Variants in NT5DC1 observed in about 807,000 individuals in gnomAD.
NT5DC1 encodes the protein 5'-nucleotidase domain-containing protein 1.
Under a neutral mutation model 59.4 loss-of-function variants are expected in NT5DC1, and 42 were observed. The ratio of observed to expected loss-of-function variants is 0.71; its 90% CI spans 0.55 to 0.92. NT5DC1 has a LOEUF of 0.92. Among genes scored for constraint, NT5DC1 ranks in the 40% least tolerant of loss-of-function variants. NT5DC1 has a pLI of 0.00. For missense variants in NT5DC1, 501 were observed against 537.1 expected (o/e 0.93, Z 0.66); for synonymous variants, 172 against 188.1 (o/e 0.91, Z 0.70).
At chr6:116,114,155 A>G (rs1226945206) in intron 4 of NT5DC1, among the ~76,000 whole-genome samples, 1 of 152,234 alleles carries the variant, frequency 6.6e-6, no homozygotes, top group Non-Finnish European at 1.5e-5. Context: ...CTGTGAAAAA[A>G]TGAAAAACAG....
chr6:116,220,779 T>C (rs1351441987), intron 6 of NT5DC1, among the ~76,000 whole-genome samples: 2 of 152,250 alleles, frequency 1.3e-5, no homozygotes, highest in South Asian at 2.1e-4. Context: ...GCTGATCATA[T>C]TGTGTTTCTT....
chr6:116,192,430 A>G (rs1213290613), intron 6 of NT5DC1, among the ~76,000 whole-genome samples: 1 of 152,030 alleles, frequency 6.6e-6, no homozygotes, highest in Non-Finnish European at 1.5e-5. Flanking sequence ...CCATTATTTT[A>G]AAAAGAGAAA....
At chr6:116,187,125 A>G (rs537014250) in intron 6 of NT5DC1, among the ~76,000 whole-genome samples, 4 of 151,852 alleles carry the variant, frequency 2.6e-5, no homozygotes, top group East Asian at 2.0e-4. Context: ...CAGTGATGCT[A>G]TTTCTCCTCT....
intron 6 of NT5DC1, among the ~76,000 whole-genome samples, chr6:116,186,146 A>G: frequency 6.6e-6 from 1 of 152,214 alleles, no homozygotes; most frequent in East Asian, 1.9e-4. Context: ...TTCACTGGAT[A>G]CAAAATTCTT....
Position 116,106,251 on chromosome 6 carries a change from A to G in NT5DC1, c.101A>G (p.Tyr34Cys), listed in dbSNP as rs776197417. 2 of 1,522,376 alleles carry G rather than the reference A, an allele frequency of 1.3e-6. No homozygotes were observed. The highest frequency in any genetic ancestry group is 1.1e-5 in the South Asian group (1 of 89,094). The allele number at this position is 1,522,376 out of a possible 1,614,324, so 94.3% of individuals were successfully genotyped here. Residue 34 changes from tyrosine (Y) to cysteine (C), a missense_variant, in exon 2 of 12, where the codon TAT becomes TGT. By Grantham distance (194) the Tyr-to-Cys change is radical. Transcript: ENST00000319550. ...TCTTCCCCTTATTTGCAGCTCATTT[A>G]TAATAGCTTTGCCCAGTTCCTAGTT... The part of the protein sequence containing the change: ...YNLPESAPLI[Y>C]NSFAQFLVKE...
At chr6:116,142,625 G>A (rs971888939) in intron 6 of NT5DC1, among the ~76,000 whole-genome samples, 3 of 152,152 alleles carry the variant, frequency 2.0e-5, no homozygotes, top group African/African-American at 7.2e-5. Flanking sequence ...TGTCTTCAGC[G>A]AGCTGGGCAT....
At chr6:116,165,014 G>T (rs774585718) in intron 6 of NT5DC1, among the ~76,000 whole-genome samples, 1 of 148,850 alleles carries the variant, frequency 6.7e-6, no homozygotes, top group South Asian at 2.1e-4. Flanking sequence ...GGAGAATGGC[G>T]TGAACCTGGG....
intron 6 of NT5DC1, among the ~76,000 whole-genome samples, chr6:116,154,142 T>C (rs1015648144): frequency 1.2e-4 from 19 of 152,140 alleles, no homozygotes; most frequent in African/African-American, 3.9e-4. Flanking sequence ...GTGTACTTTT[T>C]CCCCCTCAGA....
At chr6:116,156,543 G>A (rs1780199786) in intron 6 of NT5DC1, among the ~76,000 whole-genome samples, 1 of 152,290 alleles carries the variant, frequency 6.6e-6, no homozygotes, top group South Asian at 2.1e-4. Flanking sequence ...GGGAAGAGGA[G>A]ACCGATTACA....
At chr6:116,193,071 G>A (rs571347061) in intron 6 of NT5DC1, among the ~76,000 whole-genome samples, 5 of 152,166 alleles carry the variant, frequency 3.3e-5, no homozygotes, top group East Asian at 3.9e-4. Context: ...GAATAGCTCC[G>A]TGCCTTACAG....
intron 6 of NT5DC1, among the ~76,000 whole-genome samples, chr6:116,133,737 TC>T (rs1460461628): frequency 6.6e-6 from 1 of 152,204 alleles, no homozygotes; most frequent in African/African-American, 2.4e-5. Flanking sequence ...AAGTGAGTCT[TC>T]CTGCCATCCC....
chr6:116,178,088 T>TGA (rs1491426656), intron 6 of NT5DC1, among the ~76,000 whole-genome samples: 1 of 99,624 alleles, frequency 1.0e-5, no homozygotes, highest in Non-Finnish European at 2.1e-5. Context: ...TGTGTGTGTG[T>TGA]GCGCGCGCGC....
chr6:116,243,222 C>T (rs969897571), intron 11 of NT5DC1, among the ~76,000 whole-genome samples: 1 of 152,110 alleles, frequency 6.6e-6, no homozygotes, highest in Non-Finnish European at 1.5e-5. Context: ...CTTAGTAACC[C>T]TCATCCTGTG....
chr6:116,108,518 G>A, intron 3 of NT5DC1, 83 bp downstream of exon 3: 1 of 769,196 alleles, frequency 1.3e-6, no homozygotes. Context: ...CTTACAGTAT[G>A]GGTTAAATAT....
intron 6 of NT5DC1, among the ~76,000 whole-genome samples, chr6:116,174,928 G>A (rs1231558044): frequency 6.6e-6 from 1 of 152,118 alleles, no homozygotes; most frequent in Non-Finnish European, 1.5e-5. Context: ...AAAAAGTCAT[G>A]TTTTATAATA....
At chr6:116,186,577 T>A (rs1240124295) in intron 6 of NT5DC1, among the ~76,000 whole-genome samples, 1 of 151,982 alleles carries the variant, frequency 6.6e-6, no homozygotes, top group Non-Finnish European at 1.5e-5. Context: ...CATTTTTATT[T>A]AATTCTTTTT....
Position 116,152,286 on chromosome 6 carries a change from C to T in NT5DC1, c.529+34341C>T, listed in dbSNP as rs73772293. On this transcript the variant is annotated intron_variant, in intron 6 of 11. Transcript: ENST00000319550. ...TTAATAATGATTAAGGTTTTAACACCTTAAAGGTGCACACAACAGTTGATT... is the reference window on the plus strand; with the variant it reads ...TTAATAATGATTAAGGTTTTAACACTTTAAAGGTGCACACAACAGTTGATT... 2.3e-3 allele frequency among the ~76,000 whole-genome samples: 345 copies of T among 152,254 alleles called. 2 individuals carry two copies. Among genetic ancestry groups the T allele is most frequent in the African/African-American group, 8.1e-3 (338 of 41,550 alleles).
In NT5DC1 at chr6:116,218,555, C is replaced by T. The variant is rs553061719; in HGVS notation, c.530-2499C>T. Among the ~76,000 whole-genome samples, 512 of 152,152 alleles carry T rather than the reference C, an allele frequency of 3.4e-3. 2 individuals are homozygous for T. The highest frequency in any genetic ancestry group is 6.8e-3 in the Middle Eastern group (2 of 294). On this transcript the variant is annotated intron_variant, in intron 6 of 11. Coordinates refer to ENST00000319550, the MANE Select transcript of NT5DC1 (RefSeq NM_152729.3). Reference sequence around the variant, plus strand: ...CTCATCAAACTTCTCTATTCTTAGCCATTTAGATTTATTATTATCATCTGT... The same window carrying T: ...CTCATCAAACTTCTCTATTCTTAGCTATTTAGATTTATTATTATCATCTGT...
intron 11 of NT5DC1, among the ~76,000 whole-genome samples, chr6:116,241,875 A>G (rs1424102451): frequency 1.5e-5 from 2 of 136,036 alleles, no homozygotes; most frequent in Non-Finnish European, 3.1e-5. Context: ...GTGAGCCGAG[A>G]TCGCGCCACT....
Sources: allele counts gnomAD v4.1 joint callset (sites outside exome capture counted in the v4.1 genomes callset), GRCh38; gene constraint gnomAD v4.1.1; transcripts MANE v1.5; gene names NCBI Gene and HGNC (gene_info 2026-07-23, HGNC 2026-07-21).